GRM7: variants seen among roughly 807,000 people sequenced by gnomAD.
The protein encoded by GRM7 is metabotropic glutamate receptor 7.
GRM7 carries 35 observed loss-of-function variants against 84.5 expected under a neutral mutation model. The observed-to-expected ratio is 0.41, with a 90% CI of 0.32 to 0.55. GRM7 has a LOEUF of 0.55. Among genes scored for constraint, GRM7 ranks in the 20% least tolerant of loss-of-function variants. GRM7 has a pLI of 0.19. For synonymous variants in GRM7, 487 were observed against 455.1 expected, an observed-to-expected ratio of 1.07 and a Z score of -0.89; for missense variants, 1,003 against 1,194.6, an observed-to-expected ratio of 0.84 and a Z score of 2.36.
At chr3:7,079,737 A>G (rs1286587208) in intron 1 of GRM7, among the ~76,000 whole-genome samples, 1 of 152,090 alleles carries the variant, frequency 6.6e-6, no homozygotes, top group African/African-American at 2.4e-5. Context: ...GAATTTTGAG[A>G]TATATGTTGA....
intron 1 of GRM7, among the ~76,000 whole-genome samples, chr3:7,083,251 C>T (rs1698329338): frequency 6.6e-6 from 1 of 152,096 alleles, no homozygotes; most frequent in Non-Finnish European, 1.5e-5. Context: ...CCAACAACAT[C>T]GAGGCAAGAT....
chr3:7,137,776 T>C (rs1272464550), intron 1 of GRM7, among the ~76,000 whole-genome samples: 3 of 151,966 alleles, frequency 2.0e-5, no homozygotes, highest in Non-Finnish European at 4.4e-5. Context: ...AAAACCCACA[T>C]AATGTCTTCT....
At chr3:7,080,694 A>G (rs1345202852) in intron 1 of GRM7, among the ~76,000 whole-genome samples, 1 of 141,222 alleles carries the variant, frequency 7.1e-6, no homozygotes, top group African/African-American at 2.7e-5. Context: ...TTGTATATAT[A>G]TATACAAACT....
intron 8 of GRM7, among the ~76,000 whole-genome samples, chr3:7,674,600 G>C (rs1700055211): frequency 6.6e-6 from 1 of 152,186 alleles, no homozygotes; most frequent in Admixed American, 6.5e-5. Context: ...ATTTTTGTGT[G>C]TGTGGTAAGG....
chr3:6,934,665 G>A (rs1342177722), intron 1 of GRM7, among the ~76,000 whole-genome samples: 6 of 152,212 alleles, frequency 3.9e-5, no homozygotes, highest in South Asian at 2.1e-4. Flanking sequence ...GAGATGACTC[G>A]GTTGTTGTGG....
chr3:6,864,626 T>C (rs1694880145), intron 1 of GRM7, among the ~76,000 whole-genome samples: 2 of 152,216 alleles, frequency 1.3e-5, no homozygotes. Flanking sequence ...GTTTTCTTTT[T>C]CCTCTGTTCC....
intron 1 of GRM7, among the ~76,000 whole-genome samples, chr3:6,973,509 A>G (rs1444597101): frequency 6.6e-6 from 1 of 152,198 alleles, no homozygotes; most frequent in African/African-American, 2.4e-5. Flanking sequence ...ATATAGTAAA[A>G]TAATAAACAT....
chr3:7,057,225 A>C (rs1285287066), intron 1 of GRM7, among the ~76,000 whole-genome samples: 1 of 151,952 alleles, frequency 6.6e-6, no homozygotes, highest in Non-Finnish European at 1.5e-5. Flanking sequence ...AAAGGTTTTC[A>C]GAGTGCTTAA....
At chr3:7,729,203 A>G (rs911786715) in intron 9 of GRM7, among the ~76,000 whole-genome samples, 2 of 152,190 alleles carry the variant, frequency 1.3e-5, no homozygotes, top group African/African-American at 4.8e-5. Context: ...AGTCATTCAC[A>G]GGAATATACA....
At chr3:7,661,224 T>C (rs1699430820) in intron 8 of GRM7, among the ~76,000 whole-genome samples, 1 of 152,138 alleles carries the variant, frequency 6.6e-6, no homozygotes, top group Non-Finnish European at 1.5e-5. Context: ...AGGGCCTATA[T>C]TTGAATCAAA....
intron 9 of GRM7, among the ~76,000 whole-genome samples, chr3:7,724,974 CT>C (rs1702073205): frequency 1.3e-5 from 2 of 151,926 alleles, no homozygotes; most frequent in Non-Finnish European, 2.9e-5. Context: ...GAGATGGGGT[CT>C]TACTTTAGTG....
At chr3:7,006,973 G>T (rs1368614766) in intron 1 of GRM7, among the ~76,000 whole-genome samples, 1 of 152,134 alleles carries the variant, frequency 6.6e-6, no homozygotes, top group East Asian at 1.9e-4. Flanking sequence ...GAGTATAAAA[G>T]GATATGTTTA....
chr3:7,192,545 C>T (rs1695743504), intron 2 of GRM7, among the ~76,000 whole-genome samples: 1 of 151,888 alleles, frequency 6.6e-6, no homozygotes, highest in African/African-American at 2.4e-5. Context: ...ATGGCATTGC[C>T]TTGAGTTTTG....
chr3:7,615,878 ATG>A (rs1470956402), intron 8 of GRM7, among the ~76,000 whole-genome samples: 4 of 152,004 alleles, frequency 2.6e-5, no homozygotes, highest in Non-Finnish European at 5.9e-5. Flanking sequence ...ATGAGTGTAT[ATG>A]TATATATAGT....
intron 1 of GRM7, among the ~76,000 whole-genome samples, chr3:6,905,644 AACC>A (rs1165220267): frequency 1.3e-5 from 2 of 152,092 alleles, no homozygotes; most frequent in African/African-American, 4.8e-5. Flanking sequence ...TAATTTTGAA[AACC>A]TTTATTTTGT....
intron 1 of GRM7, among the ~76,000 whole-genome samples, chr3:7,048,503 A>AG (rs895706117): frequency 4.0e-5 from 6 of 151,874 alleles, no homozygotes; most frequent in African/African-American, 1.4e-4. Flanking sequence ...GAAAAAAAAA[A>AG]GATGCATTAC....
At chr3:7,025,915 A>G (rs1174045244) in intron 1 of GRM7, among the ~76,000 whole-genome samples, 1 of 152,122 alleles carries the variant, frequency 6.6e-6, no homozygotes, top group Non-Finnish European at 1.5e-5. Context: ...ATGCAGCAAT[A>G]TATTTATAGC....
At chr3:7,338,779 G>A (rs17047152) in intron 4 of GRM7, among the ~76,000 whole-genome samples, 6,355 of 152,020 alleles carry the variant, frequency 0.042, 273 homozygotes, top group African/African-American at 0.11. Flanking sequence ...CTAAACAAGC[G>A]TATAAATTTG....
rs1401301175 is a variant in GRM7 at position 7,606,097 on chromosome 3, G to A, written c.2451+26740G>A. ...AGTGAAGACAGTGACAGATCTCTTG[G>A]AACTTCCCCTAAGGAATATAATTTC... On this transcript the variant is annotated intron_variant, in intron 8 of 9. Coordinates refer to ENST00000357716, the MANE Select transcript of GRM7 (RefSeq NM_000844.4). Among the ~76,000 whole-genome samples, 5 of 152,126 alleles carry A rather than the reference G, an allele frequency of 3.3e-5. No homozygotes were observed. In the South Asian group the frequency reaches 8.3e-4, roughly 25 times the overall value.
Sources: allele counts gnomAD v4.1 joint callset (sites outside exome capture counted in the v4.1 genomes callset), GRCh38; gene constraint gnomAD v4.1.1; transcripts MANE v1.5; gene names NCBI Gene and HGNC (gene_info 2026-07-23, HGNC 2026-07-21).